The following PDE4D variants were observed in gnomAD, a reference collection of about 807,000 sequenced individuals.
PDE4D encodes the protein 3',5'-cyclic-AMP phosphodiesterase 4D.
PDE4D carries 24 observed loss-of-function variants against 87.4 expected under a neutral mutation model. The observed-to-expected ratio is 0.27, with a 90% CI of 0.20 to 0.39. The LOEUF (loss-of-function observed/expected upper bound fraction) is 0.39. PDE4D is among the 10% of genes least tolerant of loss of function. PDE4D has a pLI of 1.00. For missense variants in PDE4D, 714 were observed against 1,041.0 expected, an observed-to-expected ratio of 0.69 and a Z score of 4.32; for synonymous variants, 384 against 383.2, an observed-to-expected ratio of 1.00 and a Z score of -0.02.
intron 1 of PDE4D, among the ~76,000 whole-genome samples, chr5:60,334,255 A>G (rs1330129252): frequency 1.3e-5 from 2 of 152,210 alleles, no homozygotes; most frequent in East Asian, 3.8e-4. Context: ...ACATTCAATC[A>G]TTATTGATTA....
chr5:59,723,896 A>C (rs913325996), intron 1 of PDE4D, among the ~76,000 whole-genome samples: 5 of 152,174 alleles, frequency 3.3e-5, no homozygotes, highest in South Asian at 2.1e-4. Flanking sequence ...AAAGGGAAAG[A>C]GAGATTAAAA....
intron 1 of PDE4D, among the ~76,000 whole-genome samples, chr5:59,817,106 C>G (rs750292041): frequency 2.1e-4 from 32 of 152,202 alleles, no homozygotes; most frequent in South Asian, 2.1e-4. Flanking sequence ...TCTGCCCCCT[C>G]CTGGGATGGG....
intron 1 of PDE4D, among the ~76,000 whole-genome samples, chr5:60,415,419 C>T (rs868500442): frequency 9.2e-5 from 14 of 152,264 alleles, no homozygotes; most frequent in African/African-American, 3.4e-4. Context: ...TGGCCAAGGC[C>T]GGAGCCGGCG....
intron 1 of PDE4D, among the ~76,000 whole-genome samples, chr5:59,668,466 T>C (rs1746436792): frequency 6.6e-6 from 1 of 152,110 alleles, no homozygotes; most frequent in Admixed American, 6.6e-5. Flanking sequence ...CTCCAGAACT[T>C]TGGGAGGCCA....
intron 1 of PDE4D, among the ~76,000 whole-genome samples, chr5:59,490,726 T>C (rs139190750): frequency 1.2e-3 from 186 of 152,358 alleles, no homozygotes; most frequent in Admixed American, 2.8e-3. Context: ...ATTTATCTTG[T>C]TCCTTTGATG....
intron 6 of PDE4D, among the ~76,000 whole-genome samples, chr5:59,022,104 G>C (rs1369708083): frequency 1.3e-5 from 2 of 152,136 alleles, no homozygotes; most frequent in Non-Finnish European, 2.9e-5. Flanking sequence ...TCGCTCTCCA[G>C]TCAGCTCTAC....
At chr5:59,046,539 ATGTGTGTG>A (rs35264771) in intron 5 of PDE4D, among the ~76,000 whole-genome samples, 2 of 143,662 alleles carry the variant, frequency 1.4e-5, no homozygotes, top group South Asian at 2.3e-4. Context: ...GTTATTGAAG[ATGTGTGTG>A]TGTGTGTGTG....
intron 1 of PDE4D, among the ~76,000 whole-genome samples, chr5:59,231,877 G>C (rs1755287191): frequency 6.6e-6 from 1 of 152,156 alleles, no homozygotes; most frequent in South Asian, 2.1e-4. Context: ...AGATGTTAGA[G>C]AATAAGTCTA....
intron 1 of PDE4D, among the ~76,000 whole-genome samples, chr5:59,345,000 T>C (rs748182264): frequency 2.8e-4 from 42 of 152,090 alleles, no homozygotes; most frequent in Non-Finnish European, 4.4e-5. Context: ...CGGATTGATA[T>C]CATCAATCAG....
chr5:59,492,682 A>G (rs1806433472), intron 1 of PDE4D, among the ~76,000 whole-genome samples: 1 of 152,136 alleles, frequency 6.6e-6, no homozygotes, highest in Non-Finnish European at 1.5e-5. Context: ...TTATTAGTGT[A>G]GGGAACTGAT....
intron 1 of PDE4D, among the ~76,000 whole-genome samples, chr5:60,244,127 T>C (rs1747441455): frequency 6.6e-6 from 1 of 151,898 alleles, no homozygotes; most frequent in African/African-American, 2.4e-5. Context: ...AAAATCAATA[T>C]AGAAAAATTA....
At chr5:59,922,927 G>A (rs555787528) in intron 3 of PDE4D, among the ~76,000 whole-genome samples, 15 of 152,198 alleles carry the variant, frequency 9.9e-5, no homozygotes, top group Non-Finnish European at 1.3e-4. Flanking sequence ...TCCAGGCCCT[G>A]GCTCTCGGAC....
intron 1 of PDE4D, among the ~76,000 whole-genome samples, chr5:60,318,874 C>CA (rs1385187938): frequency 1.3e-5 from 2 of 152,158 alleles, no homozygotes; most frequent in Non-Finnish European, 2.9e-5. Context: ...TGATGGGCTT[C>CA]CCTTTGTGGG....
intron 1 of PDE4D, among the ~76,000 whole-genome samples, chr5:59,770,489 T>C (rs1255578931): frequency 1.3e-5 from 2 of 151,944 alleles, no homozygotes; most frequent in Non-Finnish European, 2.9e-5. Context: ...CAGAAATTAA[T>C]GGAAAGAAAG....
At chr5:59,967,924 G>A (rs1479947807) in intron 3 of PDE4D, among the ~76,000 whole-genome samples, 2 of 141,600 alleles carry the variant, frequency 1.4e-5, no homozygotes, top group East Asian at 4.5e-4. Flanking sequence ...CCCCAAAACA[G>A]AATAAAATCA....
intron 1 of PDE4D, among the ~76,000 whole-genome samples, chr5:60,428,709 C>T (rs901718673): frequency 3.9e-5 from 6 of 152,134 alleles, no homozygotes; most frequent in African/African-American, 1.4e-4. Context: ...ATCCTTGGCC[C>T]CACTTTGTAG....
chr5:59,392,687 C>G (rs115499604), intron 1 of PDE4D, among the ~76,000 whole-genome samples: 1 of 152,064 alleles, frequency 6.6e-6, no homozygotes, highest in African/African-American at 2.4e-5. Context: ...TCAGAAGTCA[C>G]TGCGCATGCA....
At chr5:60,504,513 TTCTC>T (rs1750239665) in intron 1 of PDE4D, among the ~76,000 whole-genome samples, 1 of 152,098 alleles carries the variant, frequency 6.6e-6, no homozygotes, top group African/African-American at 2.4e-5. Flanking sequence ...GGCAGTTTCA[TTCTC>T]TCTACAAAAA....
intron 1 of PDE4D, among the ~76,000 whole-genome samples, chr5:59,794,350 C>T (rs1333535201): frequency 2.0e-5 from 3 of 152,166 alleles, no homozygotes; most frequent in Non-Finnish European, 4.4e-5. Context: ...TGCATAAATG[C>T]GCTTCTCTAA....
Sources: gnomAD v4.1 joint callset for allele counts (sites outside exome capture counted in the v4.1 genomes callset) on GRCh38, gnomAD v4.1.1 for gene constraint, MANE v1.5 for transcripts, NCBI Gene and HGNC (gene_info 2026-07-23, HGNC 2026-07-21) for gene names.